Variants in HIP1 observed in about 807,000 individuals in gnomAD.
HIP1 encodes huntingtin interacting protein 1.
HIP1 carries 65 observed loss-of-function variants against 147.6 expected under a neutral mutation model. The observed-to-expected ratio is 0.44, with a 90% CI of 0.36 to 0.54. The LOEUF is 0.54. Ranked by LOEUF, HIP1 falls within the 20% of genes least tolerant of loss-of-function variation. HIP1 has a pLI of 0.00. For missense variants in HIP1, 1,061 were observed against 1,299.6 expected (o/e 0.82, Z 2.82); for synonymous variants, 479 against 504.0 (o/e 0.95, Z 0.67).
At chr7:75,679,083 C>T (rs1304107992) in intron 1 of HIP1, among the ~76,000 whole-genome samples, 1 of 145,302 alleles carries the variant, frequency 6.9e-6, no homozygotes, top group African/African-American at 2.6e-5. Context: ...TTCAACCTCA[C>T]ACTCTCCTCC....
rs180766610 is a variant in HIP1 at position 75,605,606 on chromosome 7, C to T, written c.121-6359G>A. 6.6e-5 allele frequency among the ~76,000 whole-genome samples: 10 copies of T among 152,048 alleles called. No homozygotes were observed. In the East Asian group the frequency reaches 1.9e-3, roughly 30 times the overall value. ...GAAGTGCAATGGCGCAATCTTGGCT[C>T]ACTGCAACCTCCACCTCCTGGGTTC... On this transcript the variant is annotated intron_variant, in intron 1 of 30. Transcript: ENST00000336926.
chr7:75,600,084 C>T (rs587598849), intron 1 of HIP1, among the ~76,000 whole-genome samples: 5 of 151,370 alleles, frequency 3.3e-5, no homozygotes, highest in South Asian at 2.1e-4. Context: ...AGGTGATTTG[C>T]GAACCCCAAA....
At chr7:75,548,669 G>A (rs1794664452) in intron 23 of HIP1, among the ~76,000 whole-genome samples, 1 of 151,710 alleles carries the variant, frequency 6.6e-6, no homozygotes, top group Admixed American at 6.6e-5. Context: ...TAGAGATGGG[G>A]TCTTGCTATG....
intron 1 of HIP1, among the ~76,000 whole-genome samples, chr7:75,700,156 C>T (rs533775905): frequency 5.3e-5 from 8 of 152,228 alleles, no homozygotes; most frequent in African/African-American, 1.7e-4. Flanking sequence ...TGGCCGGCAC[C>T]GAGTTCTTGA....
chr7:75,696,962 C>A (rs1018156770), intron 1 of HIP1, among the ~76,000 whole-genome samples: 1 of 151,732 alleles, frequency 6.6e-6, no homozygotes, highest in Admixed American at 6.6e-5. Flanking sequence ...CCCCCCATCC[C>A]AAAATGCTTC....
intron 5 of HIP1, among the ~76,000 whole-genome samples, chr7:75,585,729 C>A (rs1226753979): frequency 6.6e-6 from 1 of 151,988 alleles, no homozygotes; most frequent in African/African-American, 2.4e-5. Flanking sequence ...TCTGCCTGAT[C>A]CCCGTTGTCT....
chr7:75,673,820 C>CAAAAAAAAAAAA (rs71098060), intron 1 of HIP1, among the ~76,000 whole-genome samples: 1 of 104,324 alleles, frequency 9.6e-6, no homozygotes, highest in Non-Finnish European at 1.9e-5. Context: ...CCTATCTCTA[C>CAAAAAAAAAAAA]AAAAAAAAAA....
chr7:75,576,955 A>G lies in HIP1; in HGVS notation c.605-3054T>C, dbSNP rs1310269649. Among the ~76,000 whole-genome samples the G allele has an allele frequency of 2.6e-5, 4 of 152,314 alleles. No homozygotes were observed. In the South Asian group the frequency reaches 8.3e-4, roughly 32 times the overall value. On this transcript the variant is annotated intron_variant, in intron 7 of 30. Transcript: ENST00000336926. ...GTGCAGCTGAGGACCTGACTTTTAA[A>G]TGTTATTTAATTGTAATCAAGTTCA...
chr7:75,640,572 C>T (rs1431113081), intron 1 of HIP1, among the ~76,000 whole-genome samples: 6 of 151,760 alleles, frequency 4.0e-5, no homozygotes, highest in African/African-American at 7.3e-5. Flanking sequence ...GCCAAAATGA[C>T]GAAACTCCCG....
At position 75,535,828 on chromosome 7, in the gene HIP1, C is replaced by T. The variant is rs970871724; in HGVS notation, c.*2344G>A. ...TGGGGTTCAGGTGATTCTCCTGTCT[C>T]AGCCTCCTGAGTAGCTGGGATTACG... On this transcript the variant is annotated 3_prime_UTR_variant, in exon 31 of 31. Transcript: ENST00000336926. 13 of 171,156 alleles carry T rather than the reference C, an allele frequency of 7.6e-5. No individual in the cohort carries two copies. In the East Asian group the frequency reaches 1.4e-3, roughly 18 times the overall value. The allele number at this position is 171,156 out of a possible 1,614,324, so 10.6% of individuals were successfully genotyped here.
In HIP1 at chr7:75,537,052, C is replaced by A. The variant is rs1794107824; in HGVS notation, c.*1120G>T. 3 of 232,410 alleles carry A rather than the reference C, an allele frequency of 1.3e-5. No individual in the cohort carries two copies. In the Admixed American group the frequency reaches 1.7e-4, roughly 13 times the overall value. The allele number at this position is 232,410 out of a possible 1,614,324, so 14.4% of individuals were successfully genotyped here. The stretch of plus-strand genomic sequence containing the variant: ...TGCAGAAAGGAGTTGGGAATCACTC[C>A]CACACTCCGTCTCTGGGCCAAGGGA... On this transcript the variant is annotated 3_prime_UTR_variant, in exon 31 of 31. Coordinates refer to ENST00000336926, the MANE Select transcript of HIP1 (RefSeq NM_005338.7).
chr7:75,690,994 A>G (rs1800433629), intron 1 of HIP1, among the ~76,000 whole-genome samples: 1 of 152,224 alleles, frequency 6.6e-6, no homozygotes, highest in Non-Finnish European at 1.5e-5. Flanking sequence ...CACTATTCAC[A>G]GTAGTTCCAA....
chr7:75,724,069 A>C (rs190830620), intron 1 of HIP1, among the ~76,000 whole-genome samples: 1 of 151,364 alleles, frequency 6.6e-6, no homozygotes, highest in East Asian at 2.0e-4. Flanking sequence ...CGATTCTCTC[A>C]CCTCAGCCTC....
intron 1 of HIP1, among the ~76,000 whole-genome samples, chr7:75,696,131 G>A (rs1800625961): frequency 6.6e-6 from 1 of 151,874 alleles, no homozygotes; most frequent in Admixed American, 6.6e-5. Context: ...GATGGGACAG[G>A]TGTGAGCCAC....
chr7:75,614,458 A>G (rs1304284590), intron 1 of HIP1, among the ~76,000 whole-genome samples: 8 of 152,194 alleles, frequency 5.3e-5, no homozygotes, highest in African/African-American at 1.7e-4. Context: ...GAAAGAAACC[A>G]GACATGAAAT....
chr7:75,738,479 A>C (rs1400118875), intron 1 of HIP1, among the ~76,000 whole-genome samples: 2 of 151,646 alleles, frequency 1.3e-5, no homozygotes, highest in Non-Finnish European at 2.9e-5. Context: ...CAACCCTTCC[A>C]TTCCGCCCCT....
At chr7:75,598,360 G>GCCCT (rs1325612406) in intron 2 of HIP1, among the ~76,000 whole-genome samples, 2 of 149,034 alleles carry the variant, frequency 1.3e-5, no homozygotes, top group African/African-American at 5.0e-5. Context: ...ACATGCCACT[G>GCCCT]CCCTCCAGCC....
chr7:75,664,855 A>C (rs1191014792), intron 1 of HIP1, among the ~76,000 whole-genome samples: 3 of 152,084 alleles, frequency 2.0e-5, no homozygotes, highest in Non-Finnish European at 4.4e-5. Context: ...TCCTGGCCTC[A>C]AGTGATCTGC....
intron 1 of HIP1, among the ~76,000 whole-genome samples, chr7:75,694,024 A>T (rs562367316): frequency 2.0e-5 from 3 of 148,638 alleles, no homozygotes; most frequent in Admixed American, 6.8e-5. Flanking sequence ...GGTTCAAGTG[A>T]TTCTCCTGCC....
Sources: gnomAD v4.1 joint callset for allele counts (sites outside exome capture counted in the v4.1 genomes callset) on GRCh38, gnomAD v4.1.1 for gene constraint, MANE v1.5 for transcripts, NCBI Gene and HGNC (gene_info 2026-07-23, HGNC 2026-07-21) for gene names.